ASMTL: variants seen among roughly 807,000 people sequenced by gnomAD.
The protein encoded by ASMTL is probable bifunctional dTTP/UTP pyrophosphatase/methyltransferase protein.
In ASMTL, 57 loss-of-function variants were observed where a neutral mutation model predicts 60.3. The observed-to-expected ratio is 0.95, with a 90% CI of 0.76 to 1.18. The LOEUF (loss-of-function observed/expected upper bound fraction) is 1.18, where lower values mean the gene tolerates loss of function less well. Among genes scored for constraint, ASMTL ranks in the 50% most tolerant of loss-of-function variants. ASMTL has a pLI of 0.00. For missense variants in ASMTL, 981 were observed against 852.6 expected (o/e 1.15, Z -1.88); for synonymous variants, 419 against 373.0 (o/e 1.12, Z -1.42).
chrX:1,430,398 C>T (rs1297604050), intron 6 of ASMTL, among the ~76,000 whole-genome samples: 2 of 152,018 alleles, frequency 1.3e-5, no homozygotes, highest in South Asian at 2.1e-4. Flanking sequence ...CTTCTTCTGC[C>T]GGGCTTATTT....
At chrX:1,433,791 C>T (rs1438412560) in intron 5 of ASMTL, among the ~76,000 whole-genome samples, 1 of 152,146 alleles carries the variant, frequency 6.6e-6, no homozygotes, top group Admixed American at 6.6e-5. Flanking sequence ...AGGCTCCATA[C>T]ATCCTGCACC....
chrX:1,405,522 A>C (rs1283185365), intron 12 of ASMTL, among the ~76,000 whole-genome samples: 1 of 147,700 alleles, frequency 6.8e-6, no homozygotes, highest in Non-Finnish European at 1.5e-5. Context: ...ATGGGTGTAT[A>C]GATGATGGGT....
intron 12 of ASMTL, among the ~76,000 whole-genome samples, chrX:1,411,060 CA>C (rs2089999555): frequency 6.7e-6 from 1 of 148,496 alleles, no homozygotes; most frequent in African/African-American, 2.5e-5. Context: ...TGGTATGTGC[CA>C]GTAATCCAGC....
At chrX:1,406,177 T>C (rs1323688685) in intron 12 of ASMTL, among the ~76,000 whole-genome samples, 2 of 139,872 alleles carry the variant, frequency 1.4e-5, no homozygotes, top group Non-Finnish European at 3.0e-5. Flanking sequence ...AGATGGTAGA[T>C]GATGGGTAGA....
chrX:1,427,580 C>T (rs2090645327), intron 7 of ASMTL, 154 bp downstream of exon 7: 2 of 763,758 alleles, frequency 2.6e-6, no homozygotes, highest in South Asian at 1.8e-5. Flanking sequence ...GCAGGAAGGA[C>T]CCTCTCCTAG....
chrX:1,407,219 T>C lies in ASMTL; in HGVS notation c.1646-3730A>G, dbSNP rs752199297. Among the ~76,000 whole-genome samples, 6 of 151,462 alleles carry C rather than the reference T, an allele frequency of 4.0e-5. No homozygotes were observed. The South Asian group carries it at 1.0e-3, about 26-fold the overall frequency. ...TGAGATGGATGGCTGGGTGAATAGA[T>C]GGTAGATGATGGGTAGGTAGGTAGA... On this transcript the variant is annotated intron_variant, in intron 12 of 12. Coordinates refer to ENST00000381317, the MANE Select transcript of ASMTL (RefSeq NM_004192.4).
chrX:1,444,133 T>C (rs371083672), intron 1 of ASMTL, among the ~76,000 whole-genome samples: 1 of 151,936 alleles, frequency 6.6e-6, no homozygotes, highest in Non-Finnish European at 1.5e-5. Flanking sequence ...CGCAATCAAT[T>C]TTCCCTCACA....
chrX:1,415,315 G>C (rs1330682919), intron 11 of ASMTL, among the ~76,000 whole-genome samples: 1 of 152,094 alleles, frequency 6.6e-6, no homozygotes, highest in Admixed American at 6.6e-5. Flanking sequence ...TCTCGGGTCA[G>C]TTCCTTCCGT....
intron 3 of ASMTL, 176 bp downstream of exon 3, chrX:1,438,921 C>G (rs1184280106): frequency 4.5e-6 from 1 of 224,316 alleles, no homozygotes; most frequent in Non-Finnish European, 7.5e-6. Context: ...GCCACGGCGC[C>G]TGGCCCCTTC....
intron 11 of ASMTL, among the ~76,000 whole-genome samples, chrX:1,417,772 G>A (rs1294193479): frequency 9.0e-4 from 1 of 1,116 alleles, no homozygotes; most frequent in Non-Finnish European, 4.2e-3. Context: ...CATGTCACAG[G>A]TATGCTCCAG....
In ASMTL at chrX:1,438,272, G is replaced by C. The variant is rs2091022807; in HGVS notation, c.273+825C>G. On this transcript the variant is annotated intron_variant, in intron 3 of 12. Transcript: ENST00000381317. ...TAATCCAGCCTGGGCAACACAGTGA[G>C]ACTCTCTCTCAAAAAAAAAAAAGAA... 2.1e-5 allele frequency among the ~76,000 whole-genome samples: 3 copies of C among 144,612 alleles called. No individual in the cohort carries two copies. The South Asian group carries it at 6.6e-4, about 32-fold the overall frequency. The allele number at this position is 144,612 out of a possible 152,430, so 94.9% of individuals were successfully genotyped here.
chrX:1,452,052 T>G, intron 1 of ASMTL, among the ~76,000 whole-genome samples: 1 of 135,428 alleles, frequency 7.4e-6, no homozygotes, highest in African/African-American at 2.8e-5. Flanking sequence ...CCCGGGTTTC[T>G]CTCCCCTCCC....
In ASMTL at chrX:1,435,717, C is replaced by A; in HGVS notation, c.315G>T (p.Gln105His). The A allele has an allele frequency of 6.2e-7, 1 of 1,613,604 alleles. No homozygotes were observed. Among genetic ancestry groups the A allele is most frequent in the Non-Finnish European group, 8.5e-7 (1 of 1,179,814 alleles). ...ACCGGGACAGCATCCTGTAGGCGTC[C>A]TGCTTGTCCACCGGCTTCTCCAGAA... ...GLILEKPVDKQDAYRMLSRLS... is the reference protein window; with the variant it reads ...GLILEKPVDKHDAYRMLSRLS... The change falls in exon 4 of 13, where the codon CAG becomes CAT. Residue 105 changes from glutamine (Q) to histidine (H), a missense_variant. Gln to His is a conservative substitution (Grantham distance 24, BLOSUM62 0). Coordinates refer to ENST00000381317, the MANE Select transcript of ASMTL (RefSeq NM_004192.4).
At chrX:1,452,266 C>A (rs1254213975) in intron 1 of ASMTL, among the ~76,000 whole-genome samples, 1 of 140,164 alleles carries the variant, frequency 7.1e-6, no homozygotes, top group Non-Finnish European at 1.6e-5. Flanking sequence ...CCGGGTTACT[C>A]CCCCACCCCC....
chrX:1,418,070 A>T lies in ASMTL; in HGVS notation c.1425T>A (p.Arg475=), dbSNP rs751966053. 2 of 1,613,160 alleles carry T rather than the reference A, an allele frequency of 1.2e-6. No individual in the cohort carries two copies. Among genetic ancestry groups the T allele is most frequent in the Non-Finnish European group, 1.7e-6 (2 of 1,179,434 alleles). ...GGAGGTCAAACACAGTCACCTGCAT[A>T]CGAGGGTACTCACGGGCCAGCTCTC... ...LARELAREYP[R]MQVTVFDLPD... The change falls in exon 11 of 13, where the codon CGT becomes CGA. Residue 475 remains arginine, a synonymous_variant. Coordinates refer to ENST00000381317, the MANE Select transcript of ASMTL (RefSeq NM_004192.4).
chrX:1,421,652 T>G lies in ASMTL; in HGVS notation c.1245+6A>C. ...CGGAAAGGTGTCCGCGGGGGTGTTA[T>G]GCTACCTGGAACAGATCTTCCGCCT... is the stretch of plus-strand genomic sequence containing the variant. On this transcript the variant is annotated splice_donor_region_variant and intron_variant, in intron 9 of 12. Coordinates refer to ENST00000381317, the MANE Select transcript of ASMTL (RefSeq NM_004192.4). The G allele has an allele frequency of 6.2e-7, 1 of 1,613,910 alleles. No homozygotes were observed. The highest frequency in any genetic ancestry group is 8.5e-7 in the Non-Finnish European group (1 of 1,179,834).
chrX:1,418,325 C>T (rs1458833803), intron 10 of ASMTL, among the ~76,000 whole-genome samples: 1 of 152,110 alleles, frequency 6.6e-6, no homozygotes, highest in Non-Finnish European at 1.5e-5. Flanking sequence ...CAGGGAAATC[C>T]TTCCAGCCCA....
rs202105057 is a variant in ASMTL, at chrX:1,435,770, A to T, written c.274-12T>A. 3 of 1,612,442 alleles carry T rather than the reference A, an allele frequency of 1.9e-6. No individual in the cohort carries two copies. The highest frequency in any genetic ancestry group is 2.5e-6 in the Non-Finnish European group (3 of 1,178,902). On this transcript the variant is annotated splice_polypyrimidine_tract_variant and intron_variant, in intron 3 of 12. Coordinates refer to ENST00000381317, the MANE Select transcript of ASMTL (RefSeq NM_004192.4). ...AGCCCCCCGACTGTCTGTGAGAGGA[A>T]GGGACAGAGGGAGTTGGTTCCCACC...
In ASMTL at chrX:1,417,457, A is replaced by G. The variant is rs749271048; in HGVS notation, c.1522+516T>C. On this transcript the variant is annotated intron_variant, in intron 11 of 12. Transcript: ENST00000381317. ...ACACACACAAGGACATACTACACAG[A>G]CGTGCACACACAGTTACATATGCAC... 6.6e-5 allele frequency among the ~76,000 whole-genome samples: 10 copies of G among 151,330 alleles called. No homozygotes were observed. The East Asian group carries it at 1.8e-3, about 27-fold the overall frequency.
Sources: allele counts gnomAD v4.1 joint callset (sites outside exome capture counted in the v4.1 genomes callset), GRCh38; gene constraint gnomAD v4.1.1; transcripts MANE v1.5; gene names NCBI Gene and HGNC (gene_info 2026-07-23, HGNC 2026-07-21).